VGLL4: variants seen among roughly 807,000 people sequenced by gnomAD.
The protein encoded by VGLL4 is vestigial like family member 4, also known as transcription cofactor vestigial-like protein 4.
A neutral mutation model predicts 21.0 loss-of-function variants in VGLL4; 7 were observed. The ratio of observed to expected loss-of-function variants is 0.33; its 90% confidence interval spans 0.19 to 0.63. The LOEUF is 0.63. Among genes scored for constraint, VGLL4 ranks in the 20% least tolerant of loss-of-function variants. The probability of loss-of-function intolerance (pLI) is 0.78; values close to 1 mark genes in which losing one functional copy is unlikely to be tolerated. For missense variants in VGLL4, 394 were observed against 425.7 expected (o/e 0.93, Z 0.66); for synonymous variants, 222 against 173.2 (o/e 1.28, Z -2.21).
At chr3:11,581,167 A>G (rs1205153114) in intron 2 of VGLL4, among the ~76,000 whole-genome samples, 1 of 151,788 alleles carries the variant, frequency 6.6e-6, no homozygotes, top group Non-Finnish European at 1.5e-5. Context: ...CCTGGGTTCA[A>G]GTGATTCTCC....
chr3:11,602,083 A>T (rs1323075487), intron 1 of VGLL4, 61 bp from the exon 2 acceptor site: 1 of 1,416,164 alleles, frequency 7.1e-7, no homozygotes, highest in East Asian at 2.8e-5. Context: ...TCAGTCCCCC[A>T]GGCTCCCCGC....
At position 11,719,017 on chromosome 3, in the gene VGLL4, A is replaced by C. The variant is rs1304425755; in HGVS notation, c.-14+1377T>G. ...GATGAATCAAAGGAGACTTCAAGCA[A>C]AACAAAAAGCGAACAGCCCTGTGCT... is the stretch of plus-strand genomic sequence containing the variant. On this transcript the variant is annotated intron_variant, in intron 1 of 5. Coordinates refer to the VGLL4 transcript ENST00000273038. This position sits in a 1 kb window ranked among gnomAD's most constrained non-coding sequence, Gnocchi z 4.0. Among the ~76,000 whole-genome samples the C allele has an allele frequency of 6.6e-6, 1 of 152,210 alleles. No homozygotes were observed. The highest frequency in any genetic ancestry group is 1.5e-5 in the Non-Finnish European group (1 of 68,022).
chr3:11,628,602 C>T (rs111250595), intron 1 of VGLL4, among the ~76,000 whole-genome samples: 3,357 of 151,442 alleles, frequency 0.022, 103 homozygotes, highest in African/African-American at 0.075. Context: ...GGGCGGATCA[C>T]GAGGTCAGGA....
intron 1 of VGLL4, chr3:11,703,097 A>C: frequency 6.6e-7 from 1 of 1,506,784 alleles, no homozygotes; most frequent in Non-Finnish European, 9.0e-7. Context: ...AGAATTCAAA[A>C]GACTCTTAGA....
At chr3:11,644,845 C>CA (rs11293808), upstream of VGLL4, among the ~76,000 whole-genome samples, 1,841 of 70,502 alleles carry the variant, frequency 0.026, 36 homozygotes, top group Admixed American at 0.071. Context: ...GACTTTGTCT[C>CA]AAAAAAAAAA....
chr3:11,621,399 C>A (rs1346738700), intron 1 of VGLL4, among the ~76,000 whole-genome samples: 1 of 152,214 alleles, frequency 6.6e-6, no homozygotes, highest in African/African-American at 2.4e-5. Flanking sequence ...CGATTCCAGA[C>A]ATCTCATATA....
intron 2 of VGLL4, among the ~76,000 whole-genome samples, chr3:11,598,031 CT>C (rs35133405): frequency 0.81 from 122,853 of 151,110 alleles, 50,289 homozygotes; most frequent in Non-Finnish European, 0.86. Flanking sequence ...TCTCTGTTGC[CT>C]TTTTTTTTTA....
intron 2 of VGLL4, among the ~76,000 whole-genome samples, chr3:11,680,075 A>G (rs1415455148): frequency 1.3e-5 from 2 of 152,090 alleles, no homozygotes; most frequent in African/African-American, 4.8e-5. Flanking sequence ...ATACACAAAT[A>G]CTCATCACTG....
At chr3:11,702,857 A>C in intron 2 of VGLL4, 1 of 988,208 alleles carries the variant, frequency 1.0e-6, no homozygotes. Flanking sequence ...AACCACCAAA[A>C]TTAACAGCAA....
intron 2 of VGLL4, chr3:11,671,343 G>A: frequency 7.7e-7 from 1 of 1,303,850 alleles, no homozygotes; most frequent in South Asian, 1.2e-5. Context: ...TCAGTCATCA[G>A]TTCCGCAGCG....
At chr3:11,571,419 C>CA (rs1278910819) in intron 2 of VGLL4, among the ~76,000 whole-genome samples, 1 of 152,234 alleles carries the variant, frequency 6.6e-6, no homozygotes, top group African/African-American at 2.4e-5. Context: ...TGCAGTGACT[C>CA]ACGCCTGTAA....
At chr3:11,575,876 G>C (rs1406468612) in intron 2 of VGLL4, among the ~76,000 whole-genome samples, 1 of 152,246 alleles carries the variant, frequency 6.6e-6, no homozygotes, top group African/African-American at 2.4e-5. Flanking sequence ...AATGTGTGCA[G>C]GCTTTCCAGA....
intron 2 of VGLL4, among the ~76,000 whole-genome samples, chr3:11,688,494 C>T (rs2076482119): frequency 6.6e-6 from 1 of 152,160 alleles, no homozygotes; most frequent in African/African-American, 2.4e-5. Flanking sequence ...ATTTCATCTA[C>T]ATTTTCCATT....
At chr3:11,563,983 G>C (rs942017831) in intron 3 of VGLL4, among the ~76,000 whole-genome samples, 1 of 152,144 alleles carries the variant, frequency 6.6e-6, no homozygotes, top group African/African-American at 2.4e-5. Context: ...GGACACAGAG[G>C]CTCTTGCAGC....
At chr3:11,678,076 T>C (rs1035342001) in intron 2 of VGLL4, among the ~76,000 whole-genome samples, 1 of 151,782 alleles carries the variant, frequency 6.6e-6, no homozygotes, top group East Asian at 1.9e-4. Context: ...TTTGAGGCAA[T>C]AGAGTCTCAC....
chr3:11,608,805 A>T (rs766586091), intron 1 of VGLL4, among the ~76,000 whole-genome samples: 11 of 152,222 alleles, frequency 7.2e-5, no homozygotes, highest in Non-Finnish European at 1.6e-4. Context: ...TGGTACATAA[A>T]ATAATGATTC....
chr3:11,688,630 GGTTT>G (rs1356727804), intron 2 of VGLL4, among the ~76,000 whole-genome samples: 5 of 152,068 alleles, frequency 3.3e-5, no homozygotes, highest in African/African-American at 4.8e-5. Flanking sequence ...ATTCACCAAA[GGTTT>G]GTTTAATTTA....
At chr3:11,628,186 C>T (rs888986983) in intron 1 of VGLL4, among the ~76,000 whole-genome samples, 1 of 151,042 alleles carries the variant, frequency 6.6e-6, no homozygotes, top group Admixed American at 6.6e-5. Flanking sequence ...TTCGGGAATT[C>T]GAGACCAGCC....
In VGLL4 at chr3:11,719,967, G is replaced by C; in HGVS notation, c.-14+427C>G. On this transcript the variant is annotated intron_variant, in intron 1 of 5. Transcript: ENST00000273038. This position sits in a 1 kb window ranked among gnomAD's most constrained non-coding sequence, Gnocchi z 4.0. ...CATCTCGCACGCCCCCGCCCCCGAG[G>C]CCCCGCCAGGGGACACAGCGCCGTG... 6.6e-6 allele frequency among the ~76,000 whole-genome samples: 1 copy of C among 152,118 alleles called. No homozygotes were observed. The highest frequency in any genetic ancestry group is 1.9e-4 in the East Asian group (1 of 5,172).
Sources: gnomAD v4.1 joint callset for allele counts (sites outside exome capture counted in the v4.1 genomes callset) on GRCh38, gnomAD v4.1.1 for gene constraint, Gnocchi (gnomAD v3.1) non-coding constraint, MANE v1.5 for transcripts, NCBI Gene and HGNC (gene_info 2026-07-23, HGNC 2026-07-21) for gene names.